The following DOC2B variants were observed in gnomAD, a reference collection of about 807,000 sequenced individuals.
The protein encoded by DOC2B is double C2 domain beta, also known as double C2-like domain-containing protein beta.
In DOC2B, 21 loss-of-function variants were observed where a neutral mutation model predicts 28.9. That is an observed-to-expected ratio of 0.73 (90% confidence interval 0.52 to 1.05). The LOEUF (loss-of-function observed/expected upper bound fraction) is 1.05, where lower values mean the gene tolerates loss of function less well. DOC2B is among the 50% of genes least tolerant of loss of function. DOC2B has a pLI of 0.00. For missense variants in DOC2B, 384 were observed against 421.1 expected (o/e 0.91, Z 0.77); for synonymous variants, 194 against 178.1 (o/e 1.09, Z -0.71).
intron 5 of DOC2B, among the ~76,000 whole-genome samples, chr17:160,088 G>A (rs1255972476): frequency 6.6e-6 from 1 of 151,018 alleles, no homozygotes; most frequent in Non-Finnish European, 1.5e-5. Flanking sequence ...AGGTTCAAGC[G>A]ATTCTCCTGC....
rs899746819 is a variant in DOC2B at position 145,164 on chromosome 17, G to A, written c.*2277C>T. 2 of 152,288 alleles carry A rather than the reference G, an allele frequency of 1.3e-5. No homozygotes were observed. The highest frequency in any genetic ancestry group is 6.5e-5 in the Admixed American group (1 of 15,296). The allele number at this position is 152,288 out of a possible 1,614,324, so 9.4% of individuals were successfully genotyped here. A position where few individuals can be genotyped will look rare whatever the true frequency, so the allele number is the denominator to read the frequency against. Reference sequence around the variant, plus strand: ...CCTCTGGGGAAGCCTGAAGTAGCACGGATGGTTTCAAAGCCAGCGGATGAG... The same window carrying A: ...CCTCTGGGGAAGCCTGAAGTAGCACAGATGGTTTCAAAGCCAGCGGATGAG... On this transcript the variant is annotated 3_prime_UTR_variant, in exon 9 of 9. Transcript: ENST00000613549.
chr17:175,024 G>A lies in DOC2B; in HGVS notation c.374-2408C>T, dbSNP rs376515145. ...GGAGGCTGAGACGGGTGGATCACTT[G>A]AGCCCAGGATTTCAAGACCGGCCTG... On this transcript the variant is annotated intron_variant, in intron 1 of 8. Coordinates refer to ENST00000613549, the MANE Select transcript of DOC2B (RefSeq NM_003585.5). Among the ~76,000 whole-genome samples, 36 of 152,320 alleles carry A rather than the reference G, an allele frequency of 2.4e-4. No homozygotes were observed. In the East Asian group the frequency reaches 6.6e-3, roughly 28 times the overall value.
intron 6 of DOC2B, 110 bp from the exon 7 acceptor site, chr17:149,302 C>A (rs1256069207): frequency 1.5e-5 from 6 of 397,984 alleles, no homozygotes; most frequent in Non-Finnish European, 2.7e-5. Flanking sequence ...ATTCCTGGGC[C>A]CTTCTTTTGT....
rs367856318 is a variant in DOC2B, at chr17:157,287, C to G, written c.766-910G>C. On this transcript the variant is annotated intron_variant, in intron 5 of 8. Coordinates refer to ENST00000613549, the MANE Select transcript of DOC2B (RefSeq NM_003585.5). Reference sequence around the variant, plus strand: ...CCTCCTCTGACCTCCTCAGTGTTCACCGTTGATAAATTCCTGGTCCTTCTG... The same window carrying G: ...CCTCCTCTGACCTCCTCAGTGTTCAGCGTTGATAAATTCCTGGTCCTTCTG... 2.2e-4 allele frequency among the ~76,000 whole-genome samples: 33 copies of G among 152,324 alleles called. No individual in the cohort carries two copies. The South Asian group carries it at 6.6e-3, about 31-fold the overall frequency.
At chr17:172,042 G>A (rs2040318115) in intron 2 of DOC2B, among the ~76,000 whole-genome samples, 1 of 152,054 alleles carries the variant, frequency 6.6e-6, no homozygotes, top group African/African-American at 2.4e-5. Context: ...CACAACCCCA[G>A]CCCACGTAGT....
Position 181,027 on chromosome 17 carries a change from C to A in DOC2B, c.373+80G>T. 8.7e-7 allele frequency: 1 copy of A among 1,143,964 alleles called. No individual in the cohort carries two copies. 70.9% of individuals were successfully genotyped at this position (1,143,964 alleles called of 1,614,324 possible). A position where few individuals can be genotyped will look rare whatever the true frequency, so the allele number is the denominator to read the frequency against. ...AGCGCGAGCGCGCGAGGGGGACCGG[C>A]GGAGGGAAGCCGCGAGGCCGTGGGG... On this transcript the variant is annotated intron_variant, in intron 1 of 8. Coordinates refer to ENST00000613549, the MANE Select transcript of DOC2B (RefSeq NM_003585.5). The surrounding 1 kb of genome is among the most constrained non-coding windows in gnomAD (Gnocchi z 7.0).
chr17:170,361 C>T (rs1284216992), intron 2 of DOC2B, among the ~76,000 whole-genome samples: 4 of 152,202 alleles, frequency 2.6e-5, no homozygotes, highest in African/African-American at 4.8e-5. Flanking sequence ...ATGGCACTCA[C>T]ACCTACCCAT....
In DOC2B at chr17:156,354, G is replaced by A. The variant is rs916523546; in HGVS notation, c.789C>T (p.Ser263=). Residue 263 remains serine, a synonymous_variant, in exon 6 of 9, where the codon TCC becomes TCT. Coordinates refer to ENST00000613549, the MANE Select transcript of DOC2B (RefSeq NM_003585.5). ...TGAGGATGCGGCCCCGCTCCTCCAG[G>A]GACTTGTCTTCAGTCTTGTCCACCT... ...QLPVDKTEDK[S]LEERGRILIS... is the part of the protein sequence containing the mutation. 2 of 1,551,464 alleles carry A rather than the reference G, an allele frequency of 1.3e-6. No individual in the cohort carries two copies. The highest frequency in any genetic ancestry group is 1.7e-6 in the Non-Finnish European group (2 of 1,146,940).
At chr17:175,273 G>C (rs1433134037) in intron 1 of DOC2B, among the ~76,000 whole-genome samples, 2 of 152,172 alleles carry the variant, frequency 1.3e-5, no homozygotes, top group South Asian at 2.1e-4. Flanking sequence ...AGTGAAGCCT[G>C]AGGCACGTTC....
Position 145,343 on chromosome 17 carries a change from G to A in DOC2B, c.*2098C>T, listed in dbSNP as rs1294508647. ...GAGAAAGCGGCAGTCAGAGGACCTG[G>A]GTTTGAGTCCTGGTTCACCCCTTCC... On this transcript the variant is annotated 3_prime_UTR_variant, in exon 9 of 9. Coordinates refer to ENST00000613549, the MANE Select transcript of DOC2B (RefSeq NM_003585.5). 1 of 152,280 alleles carries A rather than the reference G, an allele frequency of 6.6e-6. No individual in the cohort carries two copies. The highest frequency in any genetic ancestry group is 2.4e-5 in the African/African-American group (1 of 41,432). The allele number at this position is 152,280 out of a possible 1,614,324, so 9.4% of individuals were successfully genotyped here.
chr17:153,890 A>C (rs1555522081), intron 6 of DOC2B, among the ~76,000 whole-genome samples: 2 of 151,924 alleles, frequency 1.3e-5, no homozygotes, highest in South Asian at 2.1e-4. Flanking sequence ...CTCTAGTTCA[A>C]ATTTATTCAT....
At chr17:156,418 C>T in intron 5 of DOC2B, 41 bp from the exon 6 acceptor site, 1 of 1,543,178 alleles carries the variant, frequency 6.5e-7, no homozygotes, top group African/African-American at 1.4e-5. Flanking sequence ...CCTGCTCCCA[C>T]CCCTCTCTTG....
intron 6 of DOC2B, among the ~76,000 whole-genome samples, chr17:151,991 C>A (rs550019642): frequency 1.3e-5 from 2 of 152,230 alleles, no homozygotes; most frequent in Admixed American, 6.5e-5. Flanking sequence ...ATACCCTACT[C>A]TGGCACAAGC....
At chr17:154,998 G>C (rs920553467) in intron 6 of DOC2B, among the ~76,000 whole-genome samples, 29 of 151,932 alleles carry the variant, frequency 1.9e-4, no homozygotes, top group African/African-American at 6.0e-4. Flanking sequence ...CAAAGTACTG[G>C]GATTACAAGC....
intron 6 of DOC2B, among the ~76,000 whole-genome samples, chr17:149,814 C>T (rs2040053401): frequency 6.6e-6 from 1 of 152,190 alleles, no homozygotes; most frequent in Admixed American, 6.5e-5. Flanking sequence ...CCTCAAGCTT[C>T]TTTTATAAAA....
chr17:154,067 G>A (rs947198297), intron 6 of DOC2B, among the ~76,000 whole-genome samples: 2 of 152,108 alleles, frequency 1.3e-5, no homozygotes, highest in East Asian at 1.9e-4. Flanking sequence ...GGCTTCTCTC[G>A]CTTAGCATCT....
In DOC2B at chr17:181,499, C is replaced by A; in HGVS notation, c.-20G>T. On this transcript the variant is annotated 5_prime_UTR_variant, in exon 1 of 9. Coordinates refer to ENST00000613549, the MANE Select transcript of DOC2B (RefSeq NM_003585.5). This position sits in a 1 kb window ranked among gnomAD's most constrained non-coding sequence, Gnocchi z 7.0. Reference sequence around the variant, plus strand: ...GGTCATGCAGGCAGCGCCGCCCCGCCCCGGGCGCGGCCCGGCCCGGCGCGA... The same window carrying A: ...GGTCATGCAGGCAGCGCCGCCCCGCACCGGGCGCGGCCCGGCCCGGCGCGA... 2.0e-6 allele frequency: 2 copies of A among 1,009,970 alleles called. No individual in the cohort carries two copies. The highest frequency in any genetic ancestry group is 3.5e-5 in the African/African-American group (2 of 57,096). The allele number at this position is 1,009,970 out of a possible 1,614,324, so 62.6% of individuals were successfully genotyped here.
chr17:176,367 C>CA (rs2040369865), intron 1 of DOC2B, among the ~76,000 whole-genome samples: 1 of 131,080 alleles, frequency 7.6e-6, no homozygotes, highest in South Asian at 2.7e-4. Flanking sequence ...AATATATTTA[C>CA]AAAAAAAGAG....
In DOC2B at chr17:145,428, G is replaced by C. The variant is rs2040011833; in HGVS notation, c.*2013C>G. ...GGGAACCTGTTTCACCTGCAAGATG[G>C]GGATGAGAATCAAACCCACCTTGCA... On this transcript the variant is annotated 3_prime_UTR_variant, in exon 9 of 9. Coordinates refer to ENST00000613549, the MANE Select transcript of DOC2B (RefSeq NM_003585.5). The C allele has an allele frequency of 6.6e-6, 1 of 152,238 alleles. No homozygotes were observed. Among genetic ancestry groups the C allele is most frequent in the African/African-American group, 2.4e-5 (1 of 41,440 alleles). 9.4% of individuals were successfully genotyped at this position (152,238 alleles called of 1,614,324 possible).
Sources: gnomAD v4.1 joint callset for allele counts (sites outside exome capture counted in the v4.1 genomes callset) on GRCh38, gnomAD v4.1.1 for gene constraint, Gnocchi (gnomAD v3.1) non-coding constraint, MANE v1.5 for transcripts, NCBI Gene and HGNC (gene_info 2026-07-23, HGNC 2026-07-21) for gene names.